FTO: variants seen among roughly 807,000 people sequenced by gnomAD.
The protein encoded by FTO is FTO alpha-ketoglutarate dependent dioxygenase, also known as alpha-ketoglutarate-dependent dioxygenase FTO.
A neutral mutation model predicts 63.9 loss-of-function variants in FTO; 47 were observed. The observed-to-expected ratio is 0.74, with a 90% CI of 0.58 to 0.94. The LOEUF (loss-of-function observed/expected upper bound fraction) is 0.94. Among genes scored for constraint, FTO ranks in the 40% least tolerant of loss-of-function variants. FTO has a pLI of 0.00. For synonymous variants in FTO, 207 were observed against 224.4 expected (o/e 0.92, Z 0.69); for missense variants, 562 against 618.1 (o/e 0.91, Z 0.96).
At chr16:54,102,920 A>ATT (rs1377514737) in intron 8 of FTO, among the ~76,000 whole-genome samples, 3 of 152,164 alleles carry the variant, frequency 2.0e-5, no homozygotes, top group African/African-American at 4.8e-5. Flanking sequence ...TGAGAGGCCA[A>ATT]GGCAGGAGGA....
In FTO at chr16:54,121,501, G is replaced by T. The variant is rs1341312724; in HGVS notation, c.*9586G>T. ...GGACCAGGGAAAGCCTTCCCACGGG[G>T]ATGGAGAGCCACCTCCTCCCCGGCT... is the stretch of plus-strand genomic sequence containing the variant. On this transcript the variant is annotated 3_prime_UTR_variant, in exon 9 of 9. Coordinates refer to ENST00000471389, the MANE Select transcript of FTO (RefSeq NM_001080432.3). The T allele has an allele frequency of 1.1e-4, 17 of 152,174 alleles. No homozygotes were observed. Among genetic ancestry groups the T allele is most frequent in the African/African-American group, 3.9e-4 (16 of 41,430 alleles). The allele number at this position is 152,174 out of a possible 1,614,324, so 9.4% of individuals were successfully genotyped here.
intron 7 of FTO, among the ~76,000 whole-genome samples, chr16:53,892,432 A>G (rs1945308266): frequency 1.3e-5 from 2 of 152,172 alleles, no homozygotes; most frequent in Admixed American, 1.3e-4. Context: ...TTCAACAGCA[A>G]TTTAACATAA....
At chr16:53,789,526 G>A (rs2077838123) in intron 1 of FTO, among the ~76,000 whole-genome samples, 2 of 152,068 alleles carry the variant, frequency 1.3e-5, no homozygotes, top group Admixed American at 1.3e-4. Context: ...ATTTCATGAT[G>A]CCAAAAAATC....
intron 8 of FTO, among the ~76,000 whole-genome samples, chr16:53,939,495 G>A (rs1285349791): frequency 6.6e-6 from 1 of 152,138 alleles, no homozygotes; most frequent in South Asian, 2.1e-4. Flanking sequence ...TCGTTTTAAA[G>A]TGTACAGTTA....
chr16:53,951,518 G>T (rs527888823), intron 8 of FTO, among the ~76,000 whole-genome samples: 3 of 118,158 alleles, frequency 2.5e-5, no homozygotes, highest in Non-Finnish European at 6.1e-5. Context: ...GAAGTAGTGC[G>T]CTGTGCGTGG....
At chr16:53,789,792 G>A (rs1008385004) in intron 1 of FTO, among the ~76,000 whole-genome samples, 7 of 149,268 alleles carry the variant, frequency 4.7e-5, no homozygotes, top group African/African-American at 1.7e-4. Flanking sequence ...ATATATGTAT[G>A]TATGTATACA....
intron 1 of FTO, among the ~76,000 whole-genome samples, chr16:53,741,678 G>A (rs951389505): frequency 6.6e-6 from 1 of 152,170 alleles, no homozygotes; most frequent in African/African-American, 2.4e-5. Context: ...GCCATTCTCA[G>A]CATGCAATTT....
chr16:53,826,372 A>C lies in FTO; in HGVS notation c.632A>C (p.Lys211Thr). The stretch of plus-strand genomic sequence containing the variant: ...TTGCTGAATTTCATGGATCCTCAGA[A>C]AATGCCATACCTGAAAGAGGAACCT... ...VTLLNFMDPQ[K>T]MPYLKEEPYF... The change falls in exon 3 of 9, where the codon AAA (lysine) becomes ACA (threonine). Residue 211 changes from lysine (K) to threonine (T), a missense_variant. Physicochemically the swap from Lys to Thr is moderately conservative, Grantham distance 78. Coordinates refer to ENST00000471389, the MANE Select transcript of FTO (RefSeq NM_001080432.3). 6.2e-7 allele frequency: 1 copy of C among 1,614,220 alleles called. No homozygotes were observed. Among genetic ancestry groups the C allele is most frequent in the South Asian group, 1.1e-5 (1 of 91,084 alleles).
chr16:54,096,258 G>A (rs16953047), intron 8 of FTO, among the ~76,000 whole-genome samples: 1 of 152,144 alleles, frequency 6.6e-6, no homozygotes, highest in African/African-American at 2.4e-5. Context: ...GTTTCCAAAT[G>A]TTAGCTGTAG....
intron 1 of FTO, among the ~76,000 whole-genome samples, chr16:53,761,263 A>ATT (rs11394373): frequency 0.026 from 3,732 of 145,894 alleles, 47 homozygotes; most frequent in African/African-American, 0.03. Context: ...CACCCAGCTC[A>ATT]TTTTTTTTTT....
intron 8 of FTO, among the ~76,000 whole-genome samples, chr16:54,027,092 A>G (rs1252187083): frequency 1.3e-5 from 2 of 151,354 alleles, no homozygotes; most frequent in Non-Finnish European, 2.9e-5. Context: ...ACAGAGAGAG[A>G]GAAGAGAGAA....
intron 1 of FTO, among the ~76,000 whole-genome samples, chr16:53,798,025 C>T (rs997518781): frequency 3.9e-5 from 6 of 152,090 alleles, no homozygotes; most frequent in African/African-American, 1.4e-4. Flanking sequence ...GATTGGAGTT[C>T]TTTAAAAGAT....
chr16:53,836,087 C>T (rs938029842), intron 3 of FTO, among the ~76,000 whole-genome samples: 1 of 152,148 alleles, frequency 6.6e-6, no homozygotes, highest in Non-Finnish European at 1.5e-5. Context: ...GACAAGGTTT[C>T]ACCATATTGG....
chr16:54,024,126 G>C (rs1405895447), intron 8 of FTO, among the ~76,000 whole-genome samples: 1 of 152,142 alleles, frequency 6.6e-6, no homozygotes, highest in Non-Finnish European at 1.5e-5. Context: ...GGTTTCTCTT[G>C]AATATAATAT....
chr16:54,000,755 G>A (rs542661189), intron 8 of FTO, among the ~76,000 whole-genome samples: 4 of 152,246 alleles, frequency 2.6e-5, no homozygotes, highest in African/African-American at 9.6e-5. Flanking sequence ...ATTAAAGCAC[G>A]GTAATAATCA....
intron 8 of FTO, among the ~76,000 whole-genome samples, chr16:54,097,695 G>T (rs1298466197): frequency 6.6e-6 from 1 of 152,168 alleles, no homozygotes; most frequent in Admixed American, 6.6e-5. Flanking sequence ...AAAACAGACA[G>T]AAATCCCTGC....
At chr16:53,827,633 A>G (rs982958306) in intron 3 of FTO, among the ~76,000 whole-genome samples, 3 of 152,228 alleles carry the variant, frequency 2.0e-5, no homozygotes, top group African/African-American at 4.8e-5. Flanking sequence ...CCTCAGAACT[A>G]CTAATATTTT....
chr16:53,797,179 C>T (rs1036742150), intron 1 of FTO, among the ~76,000 whole-genome samples: 5 of 152,212 alleles, frequency 3.3e-5, no homozygotes, highest in African/African-American at 1.2e-4. Context: ...TCCACACATG[C>T]TCTGTTACAC....
At chr16:53,959,417 C>T (rs1224932671) in intron 8 of FTO, among the ~76,000 whole-genome samples, 1 of 152,082 alleles carries the variant, frequency 6.6e-6, no homozygotes, top group Non-Finnish European at 1.5e-5. Context: ...ACAGTGGAAA[C>T]CAGTCACTAT....
Sources: allele counts gnomAD v4.1 joint callset (sites outside exome capture counted in the v4.1 genomes callset), GRCh38; gene constraint gnomAD v4.1.1; transcripts MANE v1.5; gene names NCBI Gene and HGNC (gene_info 2026-07-23, HGNC 2026-07-21).